Variants in EML6 observed in about 807,000 individuals in gnomAD.
EML6 encodes the protein EMAP like 6.
EML6 carries 154 observed loss-of-function variants against 240.1 expected under a neutral mutation model. The observed-to-expected ratio is 0.64, with a 90% CI of 0.56 to 0.73. EML6 has a LOEUF of 0.73. Ranked by LOEUF, EML6 falls within the 30% of genes least tolerant of loss-of-function variation. The pLI is 0.00. For synonymous variants in EML6, 1,148 were observed against 899.0 expected, an observed-to-expected ratio of 1.28 and a Z score of -4.95; for missense variants, 2,964 against 2,474.6, an observed-to-expected ratio of 1.20 and a Z score of -4.20.
intron 26 of EML6, 45 bp from the exon 27 acceptor site, chr2:54,928,268 A>G (rs984403879): frequency 3.5e-6 from 5 of 1,417,542 alleles, no homozygotes; most frequent in Non-Finnish European, 4.9e-6. Context: ...GCCCAGAGAA[A>G]GGAATAACAG....
At chr2:54,802,788 C>T (rs575951885) in intron 2 of EML6, among the ~76,000 whole-genome samples, 1 of 152,222 alleles carries the variant, frequency 6.6e-6, no homozygotes, top group South Asian at 2.1e-4. Flanking sequence ...CTGAGCGTTC[C>T]CATTTACCCC....
chr2:54,862,475 G>A (rs142080944), intron 12 of EML6, among the ~76,000 whole-genome samples: 1 of 151,662 alleles, frequency 6.6e-6, no homozygotes, highest in African/African-American at 2.4e-5. Context: ...ACAGATTACT[G>A]GGAACCATCC....
intron 2 of EML6, among the ~76,000 whole-genome samples, chr2:54,810,568 G>T (rs1243402206): frequency 6.6e-6 from 1 of 152,182 alleles, no homozygotes; most frequent in East Asian, 1.9e-4. Context: ...CAGCAAAATA[G>T]TATAATTTAT....
chr2:54,819,510 G>C (rs1190955372), intron 4 of EML6, among the ~76,000 whole-genome samples: 3 of 152,182 alleles, frequency 2.0e-5, no homozygotes, highest in African/African-American at 7.2e-5. Flanking sequence ...GGGCACGGTG[G>C]CTCATGCCTG....
intron 26 of EML6, among the ~76,000 whole-genome samples, chr2:54,921,507 A>G (rs1349349385): frequency 6.6e-6 from 1 of 152,156 alleles, no homozygotes; most frequent in Non-Finnish European, 1.5e-5. Context: ...CTACCCAAAA[A>G]ATAATCTGCA....
intron 24 of EML6, among the ~76,000 whole-genome samples, chr2:54,908,326 C>T (rs1346211455): frequency 6.6e-6 from 1 of 151,248 alleles, no homozygotes; most frequent in African/African-American, 2.4e-5. Context: ...CCTCTCACAT[C>T]AGCTTCCCAA....
chr2:54,758,394 C>G lies in EML6; in HGVS notation c.197+33136C>G, dbSNP rs1376725382. On this transcript the variant is annotated intron_variant, in intron 2 of 41. Coordinates refer to ENST00000356458, the MANE Select transcript of EML6 (RefSeq NM_001039753.4). ...TAGGTTTTGCCTTGCTTCTGATGGC[C>G]CAGAATGTGCTCTTATAGTTTCTCT... Among the ~76,000 whole-genome samples, 4 of 152,048 alleles carry G rather than the reference C, an allele frequency of 2.6e-5. No individual in the cohort carries two copies. The East Asian group carries it at 5.8e-4, about 22-fold the overall frequency.
Position 54,911,160 on chromosome 2 carries a change from T to G in EML6, c.3498+118T>G, listed in dbSNP as rs566079536. ...GTTATATTTACTATACCTTTAAGTT[T>G]GATCGTGTCTTCAATCTGATTGCTT... On this transcript the variant is annotated intron_variant, in intron 25 of 41. Transcript: ENST00000356458. 148 of 554,960 alleles carry G rather than the reference T, an allele frequency of 2.7e-4. 3 individuals are homozygous for G. The highest frequency in any genetic ancestry group is 2.6e-3 in the African/African-American group (140 of 53,674). 34.4% of individuals were successfully genotyped at this position (554,960 alleles called of 1,614,324 possible). A position where few individuals can be genotyped will look rare whatever the true frequency, so the allele number is the denominator to read the frequency against.
chr2:54,826,614 A>T (rs935018620), intron 5 of EML6, among the ~76,000 whole-genome samples: 2 of 152,100 alleles, frequency 1.3e-5, no homozygotes, highest in African/African-American at 4.8e-5. Flanking sequence ...TGCCCCCCCA[A>T]AAAAACTATG....
At chr2:54,814,083 C>G (rs1489813749) in intron 3 of EML6, among the ~76,000 whole-genome samples, 1 of 152,154 alleles carries the variant, frequency 6.6e-6, no homozygotes, top group Non-Finnish European at 1.5e-5. Flanking sequence ...TGTTTAAAAC[C>G]AATAAGAGCT....
chr2:54,808,932 A>G (rs964297814), intron 2 of EML6, among the ~76,000 whole-genome samples: 7 of 152,182 alleles, frequency 4.6e-5, no homozygotes, highest in East Asian at 3.8e-4. Flanking sequence ...TGCTATGGTA[A>G]CAGAAGATGG....
At chr2:54,862,469 A>G in intron 12 of EML6, among the ~76,000 whole-genome samples, 1 of 152,078 alleles carries the variant, frequency 6.6e-6, no homozygotes, top group East Asian at 1.9e-4. Context: ...GGAAAGACAG[A>G]TTACTGGGAA....
chr2:54,859,497 T>C (rs1479745392), intron 11 of EML6, 37 bp from the exon 12 acceptor site: 4 of 1,523,764 alleles, frequency 2.6e-6, no homozygotes, highest in Non-Finnish European at 3.5e-6. Context: ...AACTCTTCTT[T>C]TTTCATAACT....
chr2:54,877,026 AG>A (rs1330465665), intron 16 of EML6, among the ~76,000 whole-genome samples: 2 of 151,624 alleles, frequency 1.3e-5, no homozygotes, highest in African/African-American at 4.9e-5. Flanking sequence ...TGTGTCACCC[AG>A]GCTGGAGTGC....
intron 28 of EML6, among the ~76,000 whole-genome samples, chr2:54,944,045 C>T (rs1341389071): frequency 6.6e-6 from 1 of 152,122 alleles, no homozygotes; most frequent in Non-Finnish European, 1.5e-5. Flanking sequence ...CTTCCTCTTC[C>T]AGCCCCTTAC....
chr2:54,796,885 G>A (rs1331701663), intron 2 of EML6, among the ~76,000 whole-genome samples: 1 of 151,946 alleles, frequency 6.6e-6, no homozygotes, highest in Non-Finnish European at 1.5e-5. Flanking sequence ...TAGTCACAAG[G>A]CGGGGATCCT....
At chr2:54,948,156 C>T (rs993977135) in intron 28 of EML6, among the ~76,000 whole-genome samples, 3 of 152,194 alleles carry the variant, frequency 2.0e-5, no homozygotes, top group Admixed American at 6.5e-5. Context: ...CTGGCGTACT[C>T]CTCTAGGATT....
intron 2 of EML6, among the ~76,000 whole-genome samples, chr2:54,739,560 C>T (rs1157615907): frequency 3.3e-5 from 5 of 152,246 alleles, no homozygotes; most frequent in Non-Finnish European, 5.9e-5. Flanking sequence ...GTGTCATACC[C>T]TGTGTGAGGC....
intron 2 of EML6, among the ~76,000 whole-genome samples, chr2:54,807,371 A>G (rs1670552657): frequency 6.6e-6 from 1 of 152,234 alleles, no homozygotes; most frequent in Admixed American, 6.5e-5. Flanking sequence ...AATATTGAGG[A>G]CGTTTTCTCA....
Sources: allele counts gnomAD v4.1 joint callset (sites outside exome capture counted in the v4.1 genomes callset), GRCh38; gene constraint gnomAD v4.1.1; transcripts MANE v1.5; gene names NCBI Gene and HGNC (gene_info 2026-07-23, HGNC 2026-07-21).